The following GRIK2 variants were observed in gnomAD, a reference collection of about 807,000 sequenced individuals.
GRIK2 encodes glutamate ionotropic receptor kainate type subunit 2.
A neutral mutation model predicts 100.3 loss-of-function variants in GRIK2; 32 were observed. The ratio of observed to expected loss-of-function variants is 0.32; its 90% CI spans 0.24 to 0.43. The LOEUF is 0.43. Among genes scored for constraint, GRIK2 ranks in the 20% least tolerant of loss-of-function variants. GRIK2 has a pLI of 1.00. For synonymous variants in GRIK2, 417 were observed against 389.4 expected, an observed-to-expected ratio of 1.07 and a Z score of -0.83; for missense variants, 843 against 1,114.9, an observed-to-expected ratio of 0.76 and a Z score of 3.47.
chr6:101,568,758 T>C (rs1777399809), intron 2 of GRIK2, among the ~76,000 whole-genome samples: 1 of 152,084 alleles, frequency 6.6e-6, no homozygotes, highest in Admixed American at 6.6e-5. Context: ...CATTTTTATT[T>C]AGGTGATTTT....
In GRIK2 at chr6:101,681,020, T is replaced by C. The variant is rs544587907; in HGVS notation, c.724-1533T>C. Reference sequence around the variant, plus strand: ...ATACATTCCAAATTTTTCACAAATATCTATTCCTTCTTAAAGAATTCATGT... The same window carrying C: ...ATACATTCCAAATTTTTCACAAATACCTATTCCTTCTTAAAGAATTCATGT... On this transcript the variant is annotated intron_variant, in intron 5 of 16. Coordinates refer to ENST00000369134, the MANE Select transcript of GRIK2 (RefSeq NM_021956.5). Among the ~76,000 whole-genome samples the C allele has an allele frequency of 3.3e-5, 5 of 152,344 alleles. No individual in the cohort carries two copies. The East Asian group carries it at 9.6e-4, about 29-fold the overall frequency.
chr6:101,494,971 T>TTATATATATA (rs369006296), intron 2 of GRIK2, among the ~76,000 whole-genome samples: 4,192 of 107,624 alleles, frequency 0.039, 133 homozygotes, highest in Admixed American at 0.042. Flanking sequence ...ATATATGCAT[T>TTATATATATA]TATATATATA....
At chr6:101,643,563 G>A (rs1462380773) in intron 4 of GRIK2, among the ~76,000 whole-genome samples, 2 of 151,678 alleles carry the variant, frequency 1.3e-5, no homozygotes, top group East Asian at 3.9e-4. Flanking sequence ...GTTTATTTCT[G>A]AGCTCTCTAT....
At chr6:101,686,785 A>G (rs578064724) in intron 7 of GRIK2, among the ~76,000 whole-genome samples, 1 of 152,146 alleles carries the variant, frequency 6.6e-6, no homozygotes, top group African/African-American at 2.4e-5. Flanking sequence ...AAATTCTCGC[A>G]TGAGCTTACT....
chr6:101,488,474 T>G (rs1772941495), intron 2 of GRIK2, among the ~76,000 whole-genome samples: 2 of 146,920 alleles, frequency 1.4e-5, no homozygotes, highest in African/African-American at 5.2e-5. Context: ...ATGTAAAAGG[T>G]GAAGACGAAT....
At chr6:101,416,794 TG>T (rs1562122033) in intron 2 of GRIK2, among the ~76,000 whole-genome samples, 1 of 152,200 alleles carries the variant, frequency 6.6e-6, no homozygotes, top group Non-Finnish European at 1.5e-5. Flanking sequence ...TAAAAATGTG[TG>T]GCCATTGCCT....
At chr6:101,467,719 T>C (rs1218379684) in intron 2 of GRIK2, among the ~76,000 whole-genome samples, 3 of 152,210 alleles carry the variant, frequency 2.0e-5, no homozygotes, top group Non-Finnish European at 4.4e-5. Flanking sequence ...ATTCCCACCT[T>C]CTTGTATTAT....
At chr6:101,671,223 A>T (rs540156794) in intron 4 of GRIK2, among the ~76,000 whole-genome samples, 73 of 152,318 alleles carry the variant, frequency 4.8e-4, no homozygotes, top group African/African-American at 1.7e-3. Context: ...ATCCTTAATA[A>T]TTATTGAATA....
At chr6:101,699,271 C>G (rs929955524) in intron 7 of GRIK2, among the ~76,000 whole-genome samples, 1 of 152,006 alleles carries the variant, frequency 6.6e-6, no homozygotes, top group Non-Finnish European at 1.5e-5. Flanking sequence ...CCATTTTTGC[C>G]AATTGTCTCC....
intron 7 of GRIK2, among the ~76,000 whole-genome samples, chr6:101,754,107 TCTC>T (rs1344490205): frequency 1.3e-5 from 2 of 151,872 alleles, no homozygotes; most frequent in African/African-American, 2.4e-5. Context: ...GATAACTTCT[TCTC>T]CTATAAGTAT....
chr6:101,720,658 A>G (rs186533349), intron 7 of GRIK2, among the ~76,000 whole-genome samples: 1 of 152,158 alleles, frequency 6.6e-6, no homozygotes, highest in Non-Finnish European at 1.5e-5. Context: ...TCAGTCATCC[A>G]AGATTTGCTT....
At chr6:101,895,706 T>C (rs185064765) in intron 12 of GRIK2, among the ~76,000 whole-genome samples, 1 of 151,710 alleles carries the variant, frequency 6.6e-6, no homozygotes. Context: ...CTTGCCAGCT[T>C]TTTACCAAAA....
intron 10 of GRIK2, among the ~76,000 whole-genome samples, chr6:101,820,518 T>C (rs1349799618): frequency 2.0e-5 from 3 of 152,182 alleles, no homozygotes; most frequent in African/African-American, 7.2e-5. Flanking sequence ...TGATCTCGGC[T>C]CACTGCAAAC....
At chr6:101,911,528 T>C (rs1788692763) in intron 12 of GRIK2, among the ~76,000 whole-genome samples, 1 of 151,572 alleles carries the variant, frequency 6.6e-6, no homozygotes, top group South Asian at 2.1e-4. Flanking sequence ...CTAGACAGCC[T>C]TTAAACTTAA....
intron 10 of GRIK2, among the ~76,000 whole-genome samples, chr6:101,827,218 T>G (rs1054384032): frequency 3.9e-5 from 6 of 151,974 alleles, no homozygotes; most frequent in Admixed American, 3.3e-4. Flanking sequence ...TTGCATAGTT[T>G]ATGAAAGATT....
chr6:101,975,841 A>ATCTG (rs1480679069), intron 14 of GRIK2, among the ~76,000 whole-genome samples: 2 of 151,546 alleles, frequency 1.3e-5, no homozygotes, highest in Non-Finnish European at 2.9e-5. Context: ...CTATCTATCT[A>ATCTG]TCTATCCCTC....
In GRIK2 at chr6:101,982,654, C is replaced by CTT. The variant is rs397940879; in HGVS notation, c.2086-52675_2086-52674dup. Among the ~76,000 whole-genome samples the CTT allele has an allele frequency of 1.7e-3, 241 of 143,058 alleles. 1 individual carries two copies. Among genetic ancestry groups the CTT allele is most frequent in the African/African-American group, 5.9e-3 (233 of 39,504 alleles). 93.9% of individuals were successfully genotyped at this position (143,058 alleles called of 152,430 possible). A position where few individuals can be genotyped will look rare whatever the true frequency, so the allele number is the denominator to read the frequency against. ...AATTAGCTGCTACTACCCCCTTCTTCTTTTTTTTTTTTTCAATGTGTACGA... is the reference window on the plus strand; with the variant it reads ...AATTAGCTGCTACTACCCCCTTCTTCTTTTTTTTTTTTTTTCAATGTGTACGA... On this transcript the variant is annotated intron_variant, in intron 14 of 16. Transcript: ENST00000369134.
chr6:101,853,228 T>C (rs1050941002), intron 10 of GRIK2, among the ~76,000 whole-genome samples: 10 of 152,204 alleles, frequency 6.6e-5, no homozygotes, highest in African/African-American at 2.2e-4. Flanking sequence ...TAGTTGTTCT[T>C]TACCTCTTCT....
intron 7 of GRIK2, among the ~76,000 whole-genome samples, chr6:101,783,105 G>C (rs1380336695): frequency 6.6e-6 from 1 of 151,862 alleles, no homozygotes; most frequent in Non-Finnish European, 1.5e-5. Context: ...TGATCCACCC[G>C]CCTCGGCCTC....
Sources: allele counts gnomAD v4.1 joint callset (sites outside exome capture counted in the v4.1 genomes callset), GRCh38; gene constraint gnomAD v4.1.1; transcripts MANE v1.5; gene names NCBI Gene and HGNC (gene_info 2026-07-23, HGNC 2026-07-21).